The following TNFSF4 variants were observed in gnomAD, a reference collection of about 807,000 sequenced individuals.
The protein encoded by TNFSF4 is tumor necrosis factor ligand superfamily member 4.
Under a neutral mutation model 7.3 loss-of-function variants are expected in TNFSF4, and 4 were observed. The ratio of observed to expected loss-of-function variants is 0.55; its 90% CI spans 0.27 to 1.25. The LOEUF is 1.25. Ranked by LOEUF, TNFSF4 falls within the 50% of genes most tolerant of loss-of-function variation. TNFSF4 has a pLI of 0.12. For synonymous variants in TNFSF4, 76 were observed against 83.7 expected (o/e 0.91, Z 0.50); for missense variants, 181 against 208.8 (o/e 0.87, Z 0.82).
chr1:173,272,248 A>G, the TNFSF4 span, among the ~76,000 whole-genome samples: 1 of 152,120 alleles, frequency 6.6e-6, no homozygotes, highest in East Asian at 1.9e-4. Context: ...AATGTAAATG[A>G]CAAGTTAATG....
the TNFSF4 span, among the ~76,000 whole-genome samples, chr1:173,355,542 T>C: frequency 2.6e-5 from 4 of 152,314 alleles, no homozygotes; most frequent in Middle Eastern, 3.4e-3. Context: ...GTGCTGACTC[T>C]GGAGGGCTGT....
chr1:173,444,385 G>GT, the TNFSF4 span, among the ~76,000 whole-genome samples: 3 of 151,448 alleles, frequency 2.0e-5, no homozygotes, highest in Non-Finnish European at 4.4e-5. Flanking sequence ...TACATTTTCT[G>GT]TTTTTTTCGT....
the TNFSF4 span, among the ~76,000 whole-genome samples, chr1:173,335,097 T>G: frequency 1.3e-5 from 2 of 152,172 alleles, no homozygotes; most frequent in Admixed American, 1.3e-4. Context: ...TCATTTAATG[T>G]TGCAGCTCAG....
chr1:173,430,655 G>A, the TNFSF4 span, among the ~76,000 whole-genome samples: 1 of 152,146 alleles, frequency 6.6e-6, no homozygotes, highest in Non-Finnish European at 1.5e-5. Context: ...GACACATTAG[G>A]GTGAAGGGTC....
the TNFSF4 span, among the ~76,000 whole-genome samples, chr1:173,340,023 A>G: frequency 3.3e-5 from 5 of 152,156 alleles, no homozygotes; most frequent in African/African-American, 1.2e-4. Flanking sequence ...CCCTCCCTTT[A>G]CTATGATGTG....
chr1:173,192,964 A>C (rs1441342239), intron 1 of TNFSF4, among the ~76,000 whole-genome samples: 1 of 152,246 alleles, frequency 6.6e-6, no homozygotes, highest in Non-Finnish European at 1.5e-5. Flanking sequence ...CACGGAAAAC[A>C]ATATCCATGT....
At chr1:173,261,036 T>G in the TNFSF4 span, among the ~76,000 whole-genome samples, 1 of 152,120 alleles carries the variant, frequency 6.6e-6, no homozygotes, top group African/African-American at 2.4e-5. Flanking sequence ...CAGAATATAC[T>G]TTCTTCTCGG....
At chr1:173,254,059 AG>A in the TNFSF4 span, among the ~76,000 whole-genome samples, 3 of 152,174 alleles carry the variant, frequency 2.0e-5, no homozygotes, top group African/African-American at 7.2e-5. Flanking sequence ...TCGAGTTCTA[AG>A]GGGAGCAATT....
intron 1 of TNFSF4, among the ~76,000 whole-genome samples, chr1:173,194,271 T>C (rs1649603895): frequency 6.6e-6 from 1 of 152,256 alleles, no homozygotes; most frequent in South Asian, 2.1e-4. Flanking sequence ...CAGCAATTAT[T>C]GAGTACTTGC....
In TNFSF4 at chr1:173,186,346, T is replaced by A; in HGVS notation, c.*170A>T. The A allele has an allele frequency of 1.8e-6, 1 of 570,128 alleles. No homozygotes were observed. The highest frequency in any genetic ancestry group is 3.1e-6 in the Non-Finnish European group (1 of 324,054). The allele number at this position is 570,128 out of a possible 1,614,324, so 35.3% of individuals were successfully genotyped here. On this transcript the variant is annotated 3_prime_UTR_variant, in exon 3 of 3. Transcript: ENST00000281834. ...AAGATTAACTGGTATATAAAATAAG[T>A]TTTAAATATCCCTGAGGGGTGGGGG...
the TNFSF4 span, chr1:173,418,642 TAAC>T: frequency 1.4e-4 from 21 of 150,438 alleles, no homozygotes; most frequent in Admixed American, 1.4e-3. Flanking sequence ...AAAAAAAAAT[TAAC>T]AACAAGAAAA....
At chr1:173,311,515 C>A in the TNFSF4 span, among the ~76,000 whole-genome samples, 1 of 151,968 alleles carries the variant, frequency 6.6e-6, no homozygotes, top group Non-Finnish European at 1.5e-5. Context: ...GAGATTCAAA[C>A]CTCATTGGAG....
At chr1:173,393,186 C>T in the TNFSF4 span, among the ~76,000 whole-genome samples, 1 of 152,328 alleles carries the variant, frequency 6.6e-6, no homozygotes, top group Admixed American at 6.5e-5. Context: ...GAGCAAAATA[C>T]AGAAAAGGAG....
the TNFSF4 span, among the ~76,000 whole-genome samples, chr1:173,303,085 T>C: frequency 6.6e-6 from 1 of 151,752 alleles, no homozygotes; most frequent in Non-Finnish European, 1.5e-5. Context: ...ACCTGAGAGG[T>C]GCCTTCTGAC....
chr1:173,318,413 T>G, the TNFSF4 span, among the ~76,000 whole-genome samples: 45 of 152,260 alleles, frequency 3.0e-4, no homozygotes, highest in African/African-American at 1.0e-3. Context: ...TCCCTTTCCT[T>G]CCTCCCTGAA....
At chr1:173,353,985 A>G in the TNFSF4 span, among the ~76,000 whole-genome samples, 7 of 152,148 alleles carry the variant, frequency 4.6e-5, 1 homozygote, top group African/African-American at 1.7e-4. Flanking sequence ...AACCAAAATC[A>G]GGGCTGAATT....
At chr1:173,340,880 A>G in the TNFSF4 span, among the ~76,000 whole-genome samples, 3 of 152,068 alleles carry the variant, frequency 2.0e-5, no homozygotes, top group African/African-American at 7.3e-5. Flanking sequence ...CTGTGTCTTC[A>G]CCCAAATCTC....
At chr1:173,250,650 G>A in the TNFSF4 span, among the ~76,000 whole-genome samples, 5 of 152,010 alleles carry the variant, frequency 3.3e-5, no homozygotes, top group East Asian at 5.8e-4. Flanking sequence ...TAGTAGAGAC[G>A]GGGTTTCACC....
At chr1:173,249,095 G>T in the TNFSF4 span, among the ~76,000 whole-genome samples, 1 of 152,172 alleles carries the variant, frequency 6.6e-6, no homozygotes, top group Admixed American at 6.5e-5. Flanking sequence ...GAGTCGACAA[G>T]ACTTAATTAA....
Sources: gnomAD v4.1 joint callset for allele counts (sites outside exome capture counted in the v4.1 genomes callset) on GRCh38, gnomAD v4.1.1 for gene constraint, MANE v1.5 for transcripts, NCBI Gene and HGNC (gene_info 2026-07-23, HGNC 2026-07-21) for gene names.